RBM6: variants seen among roughly 807,000 people sequenced by gnomAD.
The protein encoded by RBM6 is RNA-binding protein 6.
In RBM6, 23 loss-of-function variants were observed where a neutral mutation model predicts 140.4. The ratio of observed to expected loss-of-function variants is 0.16; its 90% CI spans 0.12 to 0.23. The LOEUF is 0.23. Among genes scored for constraint, RBM6 ranks in the 10% least tolerant of loss-of-function variants. The pLI, the probability that RBM6 is intolerant of heterozygous loss-of-function variation, is 1.00. For missense variants in RBM6, 1,139 were observed against 1,386.7 expected (o/e 0.82, Z 2.84); for synonymous variants, 439 against 475.6 (o/e 0.92, Z 1.00).
chr3:50,010,586 A>C (rs909122457), intron 6 of RBM6, among the ~76,000 whole-genome samples: 5 of 152,128 alleles, frequency 3.3e-5, no homozygotes, highest in African/African-American at 1.2e-4. Flanking sequence ...CAATTTTAAA[A>C]AAAGTCTTTA....
intron 5 of RBM6, among the ~76,000 whole-genome samples, chr3:49,992,926 C>T (rs1017987647): frequency 7.2e-5 from 11 of 152,174 alleles, no homozygotes; most frequent in African/African-American, 2.7e-4. Flanking sequence ...CAAAGGTTCT[C>T]TTTTTCCTGA....
rs145008197 is a variant in RBM6 at position 49,968,055 on chromosome 3, G to C, written c.630G>C (p.Gln210His). 1.2e-6 allele frequency: 2 copies of C among 1,614,056 alleles called. No homozygotes were observed. The highest frequency in any genetic ancestry group is 2.7e-5 in the African/African-American group (2 of 74,918). ...ATTTGGATTTTAGGGCCAGAGAACA[G>C]TCCCGTTCTGATTTTAGGAATAGAG... ...LSDLDFRARE[Q>H]SRSDFRNRDV... is the part of the protein sequence containing the mutation. The change falls in exon 3 of 21, where the codon CAG becomes CAC. Residue 210 changes from glutamine to histidine, a missense_variant. Physicochemically the swap from Gln to His is conservative, Grantham distance 24 (BLOSUM62 0). Transcript: ENST00000266022.
chr3:49,951,329 C>T (rs1194725485), intron 1 of RBM6, among the ~76,000 whole-genome samples: 1 of 151,888 alleles, frequency 6.6e-6, no homozygotes, highest in East Asian at 1.9e-4. Flanking sequence ...CTTCCCACCT[C>T]AGCGTCCTCA....
chr3:50,057,289 T>C (rs1461864992), intron 8 of RBM6, among the ~76,000 whole-genome samples: 1 of 152,140 alleles, frequency 6.6e-6, no homozygotes, highest in Non-Finnish European at 1.5e-5. Context: ...TCTGAGATAA[T>C]ATTAAAAGCA....
At chr3:49,942,409 A>G (rs2083323911) in intron 1 of RBM6, among the ~76,000 whole-genome samples, 1 of 151,624 alleles carries the variant, frequency 6.6e-6, no homozygotes, top group Non-Finnish European at 1.5e-5. Flanking sequence ...GAATGGTGTG[A>G]ACCCGAGAGG....
At chr3:49,954,180 C>T (rs2108593194) in intron 1 of RBM6, among the ~76,000 whole-genome samples, 1 of 151,990 alleles carries the variant, frequency 6.6e-6, no homozygotes, top group Admixed American at 6.6e-5. Flanking sequence ...TGGCTCACGC[C>T]TGTAATCCCA....
intron 1 of RBM6, among the ~76,000 whole-genome samples, chr3:49,958,711 A>G (rs2084128029): frequency 6.6e-6 from 1 of 151,626 alleles, no homozygotes; most frequent in South Asian, 2.1e-4. Context: ...AGATCGCTCA[A>G]CTGCATTCCA....
chr3:50,041,446 G>A (rs962533913), intron 6 of RBM6, among the ~76,000 whole-genome samples: 2 of 152,076 alleles, frequency 1.3e-5, no homozygotes, highest in African/African-American at 4.8e-5. Context: ...TCTCATTTTG[G>A]TTTGGCCTTT....
At chr3:49,953,890 T>C (rs1029382636) in intron 1 of RBM6, among the ~76,000 whole-genome samples, 1 of 151,946 alleles carries the variant, frequency 6.6e-6, no homozygotes, top group African/African-American at 2.4e-5. Context: ...CCCAGTACTT[T>C]GAGAGGTGGA....
At chr3:49,959,736 AATTTTTTGT>A (rs1449338059) in intron 1 of RBM6, among the ~76,000 whole-genome samples, 2 of 149,854 alleles carry the variant, frequency 1.3e-5, no homozygotes, top group Non-Finnish European at 3.0e-5. Context: ...ACGCCTGGCT[AATTTTTTGT>A]ATTTTTAGTA....
chr3:50,019,429 T>C (rs761858064), intron 6 of RBM6, among the ~76,000 whole-genome samples: 2 of 152,214 alleles, frequency 1.3e-5, no homozygotes, highest in Non-Finnish European at 2.9e-5. Context: ...TCTTGGCTTA[T>C]TGCACTAGCT....
intron 7 of RBM6, among the ~76,000 whole-genome samples, chr3:50,051,688 T>G (rs1363769880): frequency 2.0e-5 from 3 of 152,332 alleles, no homozygotes; most frequent in East Asian, 3.9e-4. Flanking sequence ...CCTATTAAAA[T>G]TTTTTTGTAA....
chr3:49,990,067 C>A (rs1250946334), intron 5 of RBM6, among the ~76,000 whole-genome samples: 1 of 152,144 alleles, frequency 6.6e-6, no homozygotes, highest in African/African-American at 2.4e-5. Flanking sequence ...ATTTCTAAAA[C>A]TATGGAGTAA....
At chr3:49,979,274 A>T (rs1313586849) in intron 5 of RBM6, among the ~76,000 whole-genome samples, 1 of 152,102 alleles carries the variant, frequency 6.6e-6, no homozygotes, top group Non-Finnish European at 1.5e-5. Context: ...CTAAGCGGGA[A>T]TGGGGAACGA....
At chr3:50,028,852 A>G (rs2087985430) in intron 6 of RBM6, among the ~76,000 whole-genome samples, 1 of 152,204 alleles carries the variant, frequency 6.6e-6, no homozygotes, top group South Asian at 2.1e-4. Context: ...CATAAGCCCT[A>G]GTGATCTTTT....
At chr3:50,015,871 A>G (rs552508296) in intron 6 of RBM6, among the ~76,000 whole-genome samples, 10 of 152,350 alleles carry the variant, frequency 6.6e-5, no homozygotes, top group African/African-American at 1.2e-4. Flanking sequence ...ACATGTGTAC[A>G]TTGTAGAATG....
In RBM6 at chr3:50,061,133, G is replaced by C. The variant is rs371688101; in HGVS notation, c.2272-7G>C. 1 of 1,614,040 alleles carries C rather than the reference G, an allele frequency of 6.2e-7. No individual in the cohort carries two copies. The highest frequency in any genetic ancestry group is 1.3e-5 in the African/African-American group (1 of 74,918). ...TTCTGTAATTTTAACTTGCCTTTCTGTGATAGGGTAAAAAATATTTCCGAG... is the reference window on the plus strand; with the variant it reads ...TTCTGTAATTTTAACTTGCCTTTCTCTGATAGGGTAAAAAATATTTCCGAG... On this transcript the variant is annotated splice_polypyrimidine_tract_variant and splice_region_variant and intron_variant, in intron 12 of 20. Coordinates refer to ENST00000266022, the MANE Select transcript of RBM6 (RefSeq NM_005777.3).
chr3:49,988,291 C>T (rs907683155), intron 5 of RBM6, among the ~76,000 whole-genome samples: 2 of 152,232 alleles, frequency 1.3e-5, no homozygotes, highest in Admixed American at 6.5e-5. Context: ...ACCACAGGTA[C>T]CCACCATCAC....
intron 5 of RBM6, among the ~76,000 whole-genome samples, chr3:49,991,044 T>C (rs957850211): frequency 6.6e-6 from 1 of 152,222 alleles, no homozygotes; most frequent in Non-Finnish European, 1.5e-5. Context: ...CCTACACTTA[T>C]GTCTGATTTG....
Sources: allele counts gnomAD v4.1 joint callset (sites outside exome capture counted in the v4.1 genomes callset), GRCh38; gene constraint gnomAD v4.1.1; transcripts MANE v1.5; gene names NCBI Gene and HGNC (gene_info 2026-07-23, HGNC 2026-07-21).